The following WWOX variants were observed in gnomAD, a reference collection of about 807,000 sequenced individuals.
WWOX encodes the protein WW domain-containing oxidoreductase.
In WWOX, 69 loss-of-function variants were observed where a neutral mutation model predicts 46.2. The ratio of observed to expected loss-of-function variants is 1.49; its 90% CI spans 1.23 to 1.82. WWOX has a LOEUF of 1.82. WWOX is among the 40% of genes most tolerant of loss of function. WWOX has a pLI of 0.00. For synonymous variants in WWOX, 359 were observed against 202.6 expected, an observed-to-expected ratio of 1.77 and a Z score of -6.56; for missense variants, 919 against 542.6, an observed-to-expected ratio of 1.69 and a Z score of -6.89.
At chr16:79,122,234 T>G (rs2049650256) in intron 8 of WWOX, among the ~76,000 whole-genome samples, 1 of 152,140 alleles carries the variant, frequency 6.6e-6, no homozygotes, top group Non-Finnish European at 1.5e-5. Flanking sequence ...TATACTACAT[T>G]TCATCAGGTA....
intron 8 of WWOX, among the ~76,000 whole-genome samples, chr16:79,085,688 A>G (rs2048841630): frequency 2.0e-5 from 3 of 152,332 alleles, no homozygotes; most frequent in South Asian, 2.1e-4. Context: ...AAAAATGCAT[A>G]CATTTTATTC....
chr16:78,467,817 C>G (rs7196402), intron 8 of WWOX, among the ~76,000 whole-genome samples: 1 of 152,168 alleles, frequency 6.6e-6, no homozygotes, highest in South Asian at 2.1e-4. Context: ...GAAGAACATA[C>G]TTCATACAAA....
At position 78,544,282 on chromosome 16, in the gene WWOX, TATTA is replaced by T. The variant is rs1354092893; in HGVS notation, c.1056+111535_1056+111538del. Reference sequence around the variant, plus strand: ...TGTCTTTCACCAAGCGCTAACATTATATTAATTATTAATAAAATCCAACTCCTTA... The same window carrying T: ...TGTCTTTCACCAAGCGCTAACATTATATTATTAATAAAATCCAACTCCTTA... On this transcript the variant is annotated intron_variant, in intron 8 of 8. Coordinates refer to ENST00000566780, the MANE Select transcript of WWOX (RefSeq NM_016373.4). Among the ~76,000 whole-genome samples, 8 of 152,218 alleles carry T rather than the reference TATTA, an allele frequency of 5.3e-5. No homozygotes were observed. The South Asian group carries it at 1.4e-3, about 28-fold the overall frequency.
intron 8 of WWOX, among the ~76,000 whole-genome samples, chr16:78,497,743 AGGGACAGTGGTT>A (rs1336087789): frequency 1.3e-5 from 2 of 152,186 alleles, no homozygotes; most frequent in Non-Finnish European, 2.9e-5. Flanking sequence ...AGGACATTAC[AGGGACAGTGGTT>A]GGGTCTGGAG....
At chr16:78,720,047 G>C (rs1035652927) in intron 8 of WWOX, among the ~76,000 whole-genome samples, 3 of 152,138 alleles carry the variant, frequency 2.0e-5, no homozygotes, top group Non-Finnish European at 1.5e-5. Flanking sequence ...TGAAATGACT[G>C]TTTTCAGAAA....
At chr16:78,916,357 G>A (rs16948912) in intron 8 of WWOX, among the ~76,000 whole-genome samples, 19,822 of 152,128 alleles carry the variant, frequency 0.13, 1,656 homozygotes, top group East Asian at 0.27. Context: ...AAGCTCGTTC[G>A]ACAGCTGTAA....
intron 5 of WWOX, among the ~76,000 whole-genome samples, chr16:78,315,420 C>T (rs571742727): frequency 5.9e-5 from 9 of 151,954 alleles, no homozygotes; most frequent in South Asian, 2.1e-4. Context: ...AGGCCAAGGC[C>T]GGCGGATCAC....
intron 5 of WWOX, among the ~76,000 whole-genome samples, chr16:78,378,356 C>G (rs2081878477): frequency 6.6e-6 from 1 of 152,130 alleles, no homozygotes; most frequent in African/African-American, 2.4e-5. Flanking sequence ...ATGGGTCAAA[C>G]TCCCCATCAG....
At chr16:78,159,112 T>A (rs1481079060) in intron 4 of WWOX, among the ~76,000 whole-genome samples, 1 of 152,130 alleles carries the variant, frequency 6.6e-6, no homozygotes, top group African/African-American at 2.4e-5. Context: ...AGAATTTCCT[T>A]CATTCCTAAG....
chr16:78,510,056 T>G (rs1009925147), intron 8 of WWOX, among the ~76,000 whole-genome samples: 2 of 143,774 alleles, frequency 1.4e-5, no homozygotes, highest in Non-Finnish European at 3.0e-5. Flanking sequence ...AGAGAGATCC[T>G]GTCTCCAAGT....
intron 8 of WWOX, among the ~76,000 whole-genome samples, chr16:79,011,212 G>T (rs775756319): frequency 1.3e-5 from 2 of 148,994 alleles, no homozygotes; most frequent in South Asian, 2.1e-4. Context: ...ACATCATCAC[G>T]GCTCACCCTG....
rs538146790 is a variant in WWOX, at chr16:78,629,727, T to A, written c.1056+196975T>A. On this transcript the variant is annotated intron_variant, in intron 8 of 8. Transcript: ENST00000566780. ...GCTTTAGCTAATCAACTCTTTCTCA[T>A]CATTTAGGCTTCAAATGGATCATCA... Among the ~76,000 whole-genome samples the A allele has an allele frequency of 3.2e-4, 49 of 152,320 alleles. No homozygotes were observed. The South Asian group carries it at 9.7e-3, about 30-fold the overall frequency.
At chr16:78,932,286 G>C (rs987049597) in intron 8 of WWOX, among the ~76,000 whole-genome samples, 4 of 152,172 alleles carry the variant, frequency 2.6e-5, no homozygotes, top group Admixed American at 2.0e-4. Flanking sequence ...TCCGCAAACA[G>C]AGAAGTGCTT....
chr16:79,105,290 A>AT (rs1488333971), intron 8 of WWOX, among the ~76,000 whole-genome samples: 4 of 152,298 alleles, frequency 2.6e-5, no homozygotes, highest in Non-Finnish European at 5.9e-5. Context: ...TTTCTTTTAG[A>AT]TGTAGAAAGG....
chr16:78,216,511 T>C (rs186503385), intron 5 of WWOX, among the ~76,000 whole-genome samples: 173 of 133,260 alleles, frequency 1.3e-3, no homozygotes, highest in Non-Finnish European at 1.8e-3. Flanking sequence ...CTGGAGGCTC[T>C]GGGGGAAGGT....
intron 8 of WWOX, among the ~76,000 whole-genome samples, chr16:78,723,888 A>G (rs1991014): frequency 0.013 from 1,940 of 152,254 alleles, 19 homozygotes; most frequent in South Asian, 0.035. Flanking sequence ...GGATTTGTTT[A>G]TAGCCCCAAA....
chr16:78,323,803 A>G (rs1597483500), intron 5 of WWOX, among the ~76,000 whole-genome samples: 3 of 152,148 alleles, frequency 2.0e-5, no homozygotes, highest in Non-Finnish European at 4.4e-5. Context: ...TGTCCGGCAT[A>G]CTTGACTAAT....
intron 8 of WWOX, among the ~76,000 whole-genome samples, chr16:78,812,668 G>A (rs2051221214): frequency 6.6e-6 from 1 of 152,096 alleles, no homozygotes; most frequent in Non-Finnish European, 1.5e-5. Flanking sequence ...GAAGGTTGCA[G>A]TGAGCCAAGA....
At chr16:78,228,265 A>G (rs1419323924) in intron 5 of WWOX, among the ~76,000 whole-genome samples, 2 of 151,176 alleles carry the variant, frequency 1.3e-5, no homozygotes, top group Non-Finnish European at 2.9e-5. Context: ...ACCCAGGGGG[A>G]GATGGCATCA....
Sources: allele counts gnomAD v4.1 joint callset (sites outside exome capture counted in the v4.1 genomes callset), GRCh38; gene constraint gnomAD v4.1.1; transcripts MANE v1.5; gene names NCBI Gene and HGNC (gene_info 2026-07-23, HGNC 2026-07-21).